The following MYOZ1 variants were observed in gnomAD, a reference collection of about 807,000 sequenced individuals.
MYOZ1 encodes the protein myozenin-1.
Under a neutral mutation model 28.7 loss-of-function variants are expected in MYOZ1, and 20 were observed. The observed-to-expected ratio is 0.70, with a 90% CI of 0.49 to 1.01. The LOEUF (loss-of-function observed/expected upper bound fraction) is 1.01. MYOZ1 is among the 50% of genes least tolerant of loss of function. MYOZ1 has a pLI of 0.00. For missense variants in MYOZ1, 371 were observed against 372.4 expected, an observed-to-expected ratio of 1.00 and a Z score of 0.03; for synonymous variants, 144 against 145.8, an observed-to-expected ratio of 0.99 and a Z score of 0.09.
chr10:73,636,453 A>G (rs2081667664), intron 3 of MYOZ1, among the ~76,000 whole-genome samples: 1 of 142,610 alleles, frequency 7.0e-6, no homozygotes, highest in African/African-American at 2.9e-5. Flanking sequence ...GATGCACAAC[A>G]AATTTTTATT....
At chr10:73,638,333 C>CT (rs1183520896) in intron 2 of MYOZ1, among the ~76,000 whole-genome samples, 52 of 148,998 alleles carry the variant, frequency 3.5e-4, no homozygotes, top group Middle Eastern at 3.4e-3. Context: ...ATTTTTTATT[C>CT]TTTTTTTTCA....
At chr10:73,637,185 T>G (rs1322502613) in intron 3 of MYOZ1, among the ~76,000 whole-genome samples, 1 of 151,932 alleles carries the variant, frequency 6.6e-6, no homozygotes, top group Non-Finnish European at 1.5e-5. Flanking sequence ...GCTAATTTTT[T>G]GTATTTTTAG....
In MYOZ1 at chr10:73,634,468, G is replaced by C; in HGVS notation, c.502+16C>G. 6.2e-7 allele frequency: 1 copy of C among 1,613,422 alleles called. No individual in the cohort carries two copies. The highest frequency in any genetic ancestry group is 8.5e-7 in the Non-Finnish European group (1 of 1,179,778). ...TCTAGGGACCAAACACATTACTCTT[G>C]GGTGAGTGTACTTGCCTGATCCTGT... On this transcript the variant is annotated intron_variant, in intron 4 of 5. Coordinates refer to ENST00000359322, the MANE Select transcript of MYOZ1 (RefSeq NM_021245.4).
intron 3 of MYOZ1, among the ~76,000 whole-genome samples, chr10:73,635,296 C>T (rs1564983994): frequency 6.6e-6 from 1 of 151,742 alleles, no homozygotes; most frequent in Non-Finnish European, 1.5e-5. Context: ...GTAAGGGCAG[C>T]GTGTTCTCCA....
In MYOZ1 at chr10:73,634,633, G is replaced by C. The variant is rs2081656163; in HGVS notation, c.353C>G (p.Ala118Gly). The change falls in exon 4 of 6, where the codon GCA (alanine) becomes GGA (glycine). Residue 118 changes from alanine to glycine, a missense_variant. By Grantham distance (60) the Ala-to-Gly change is moderately conservative (BLOSUM62 0). Coordinates refer to ENST00000359322, the MANE Select transcript of MYOZ1 (RefSeq NM_021245.4). ...CTGTCCGGCAGAGCCACTGCCCCCT[G>C]CCTGGCTGCCGCCTCTGCCGTTGCT... ...SKSNGRGGSQ[A>G]GGSGSAGQYG... 6.2e-7 allele frequency: 1 copy of C among 1,614,064 alleles called. No individual in the cohort carries two copies. The highest frequency in any genetic ancestry group is 8.5e-7 in the Non-Finnish European group (1 of 1,180,056).
chr10:73,636,078 A>G (rs569653492), intron 3 of MYOZ1, among the ~76,000 whole-genome samples: 2 of 152,186 alleles, frequency 1.3e-5, no homozygotes, highest in African/African-American at 4.8e-5. Context: ...CTGCTCCTAT[A>G]TGAGGACCAA....
At position 73,640,008 on chromosome 10, in the gene MYOZ1, A is replaced by G; in HGVS notation, c.10T>C (p.Ser4Pro). 2 of 1,613,972 alleles carry G rather than the reference A, an allele frequency of 1.2e-6. No individual in the cohort carries two copies. The highest frequency in any genetic ancestry group is 1.7e-6 in the Non-Finnish European group (2 of 1,179,968). The change falls in exon 2 of 6, where the codon TCA (serine) becomes CCA (proline). Residue 4 changes from serine to proline, a missense_variant. By Grantham distance (74) the Ser-to-Pro change is moderately conservative (BLOSUM62 -1). Transcript: ENST00000359322. ...TTCTTATTAGGGGCCGGGGTTCCTGAGAGCGGCATTGTGGAGGTGGATTCA... is the reference window on the plus strand; with the variant it reads ...TTCTTATTAGGGGCCGGGGTTCCTGGGAGCGGCATTGTGGAGGTGGATTCA... MPL[S>P]GTPAPNKKRK...
chr10:73,638,609 C>T (rs1191235078), intron 2 of MYOZ1, among the ~76,000 whole-genome samples: 2 of 151,658 alleles, frequency 1.3e-5, no homozygotes, highest in African/African-American at 4.8e-5. Context: ...GCTGGGATGA[C>T]AGGCGTGAGC....
chr10:73,638,781 C>T (rs918509436), intron 2 of MYOZ1, among the ~76,000 whole-genome samples: 7 of 151,582 alleles, frequency 4.6e-5, no homozygotes, highest in Non-Finnish European at 8.8e-5. Context: ...ATTCTCCTCC[C>T]TCAGTCTCCC....
chr10:73,634,111 T>C (rs1277296916), intron 4 of MYOZ1, 46 bp from the exon 5 acceptor site: 1 of 1,610,720 alleles, frequency 6.2e-7, no homozygotes, highest in Non-Finnish European at 8.5e-7. Flanking sequence ...TAGCATTTAG[T>C]AGCCAATGAA....
intron 3 of MYOZ1, among the ~76,000 whole-genome samples, chr10:73,636,409 T>C (rs2081667503): frequency 6.6e-6 from 1 of 152,206 alleles, no homozygotes; most frequent in Non-Finnish European, 1.5e-5. Context: ...ATTTAGCAAA[T>C]CAAATATAGG....
intron 3 of MYOZ1, 83 bp downstream of exon 3, chr10:73,637,661 T>C: frequency 1.5e-6 from 2 of 1,320,098 alleles, no homozygotes; most frequent in Non-Finnish European, 2.1e-6. Context: ...GGATGTTGAC[T>C]GCATTTTGGA....
At chr10:73,638,689 C>G (rs1292999500) in intron 2 of MYOZ1, among the ~76,000 whole-genome samples, 9 of 107,836 alleles carry the variant, frequency 8.3e-5, no homozygotes, top group African/African-American at 4.5e-4. Flanking sequence ...TTTATTGAGT[C>G]AGAGACTTGC....
intron 5 of MYOZ1, among the ~76,000 whole-genome samples, chr10:73,632,942 C>G (rs2081643692): frequency 6.6e-6 from 1 of 152,156 alleles, no homozygotes; most frequent in Non-Finnish European, 1.5e-5. Flanking sequence ...TCCTTTCACA[C>G]AGACCTCCTC....
At chr10:73,638,026 G>A in intron 2 of MYOZ1, 104 bp from the exon 3 acceptor site, 1 of 1,064,696 alleles carries the variant, frequency 9.4e-7, no homozygotes, top group Non-Finnish European at 1.4e-6. Context: ...TGTGTGTCCT[G>A]GCAGAGGTCA....
Position 73,634,707 on chromosome 10 carries a change from T to C in MYOZ1, c.279A>G (p.Thr93=). The change falls in exon 4 of 6, where the codon ACA becomes ACG. Residue 93 remains threonine, a synonymous_variant. Transcript: ENST00000359322. ...SMDHFQKFLP[T]VGGQLGTAGQ... ...CAGCTGTGCCCAGCTGTCCCCCCACTGTTGGAAGGAACTTCTGGAAGTGAT... is the reference window on the plus strand; with the variant it reads ...CAGCTGTGCCCAGCTGTCCCCCCACCGTTGGAAGGAACTTCTGGAAGTGAT... 2.5e-6 allele frequency: 4 copies of C among 1,613,664 alleles called. No homozygotes were observed. The highest frequency in any genetic ancestry group is 2.2e-5 in the East Asian group (1 of 44,874).
intron 3 of MYOZ1, among the ~76,000 whole-genome samples, chr10:73,636,109 G>C (rs1383003829): frequency 6.6e-6 from 1 of 152,034 alleles, no homozygotes; most frequent in Non-Finnish European, 1.5e-5. Flanking sequence ...TTCTGCCCCC[G>C]GCCCCATGCA....
rs1401167813 is a variant in MYOZ1 at position 73,633,938 on chromosome 10, C to T, written c.630G>A (p.Gly210=). ...MELGIDLLAY[G]AKAELPKYKS... ...TATATTTGGGAAGTTCAGCTTTGGC[C>T]CCATAGGCCAGCAGGTCAATGCCAA... The change falls in exon 5 of 6, where the codon GGG becomes GGA. Residue 210 remains glycine, a synonymous_variant. Coordinates refer to ENST00000359322, the MANE Select transcript of MYOZ1 (RefSeq NM_021245.4). 6.2e-7 allele frequency: 1 copy of T among 1,613,284 alleles called. No homozygotes were observed. Among genetic ancestry groups the T allele is most frequent in the Non-Finnish European group, 8.5e-7 (1 of 1,179,744 alleles).
chr10:73,639,651 A>G (rs1485719966), intron 2 of MYOZ1, among the ~76,000 whole-genome samples: 1 of 152,126 alleles, frequency 6.6e-6, no homozygotes, highest in Non-Finnish European at 1.5e-5. Context: ...AGTCTCCATT[A>G]TATTTTCTTC....
Sources: gnomAD v4.1 joint callset for allele counts (sites outside exome capture counted in the v4.1 genomes callset) on GRCh38, gnomAD v4.1.1 for gene constraint, MANE v1.5 for transcripts, NCBI Gene and HGNC (gene_info 2026-07-23, HGNC 2026-07-21) for gene names.